The following PTPN13 variants were observed in gnomAD, a reference collection of about 807,000 sequenced individuals.
PTPN13 encodes protein tyrosine phosphatase non-receptor type 13, also known as tyrosine-protein phosphatase non-receptor type 13.
Under a neutral mutation model 284.0 loss-of-function variants are expected in PTPN13, and 191 were observed. The observed-to-expected ratio is 0.67, with a 90% CI of 0.60 to 0.76. The LOEUF (loss-of-function observed/expected upper bound fraction) is 0.76, where lower values mean the gene tolerates loss of function less well. Ranked by LOEUF, PTPN13 falls within the 30% of genes least tolerant of loss-of-function variation. The probability of loss-of-function intolerance (pLI) is 0.00; values close to 1 mark genes in which losing one functional copy is unlikely to be tolerated. For synonymous variants in PTPN13, 986 were observed against 1,022.3 expected, an observed-to-expected ratio of 0.96 and a Z score of 0.68; for missense variants, 2,797 against 2,939.9, an observed-to-expected ratio of 0.95 and a Z score of 1.12.
At chr4:86,688,914 T>C (rs1175006019) in intron 4 of PTPN13, 91 bp from the exon 5 acceptor site, 1 of 987,280 alleles carries the variant, frequency 1.0e-6, no homozygotes, top group African/African-American at 1.6e-5. Context: ...TGTGTTTTAG[T>C]GTGGTTCCTG....
At chr4:86,628,134 A>G (rs551792647) in intron 1 of PTPN13, among the ~76,000 whole-genome samples, 9 of 152,264 alleles carry the variant, frequency 5.9e-5, no homozygotes, top group Non-Finnish European at 1.3e-4. Flanking sequence ...AAGAAACTAT[A>G]TTAACAGTTT....
intron 1 of PTPN13, among the ~76,000 whole-genome samples, chr4:86,631,135 T>G (rs1722421938): frequency 6.6e-6 from 1 of 152,188 alleles, no homozygotes; most frequent in African/African-American, 2.4e-5. Context: ...TAGGTTAATG[T>G]GATAACGTCT....
At chr4:86,632,623 G>A (rs1722588425) in intron 1 of PTPN13, among the ~76,000 whole-genome samples, 1 of 151,188 alleles carries the variant, frequency 6.6e-6, no homozygotes, top group South Asian at 2.1e-4. Flanking sequence ...ATTCTAATTT[G>A]AATCCTTCTT....
chr4:86,767,028 C>T lies in PTPN13; in HGVS notation c.4329+511C>T, dbSNP rs752996011. Among the ~76,000 whole-genome samples, 41 of 150,264 alleles carry T rather than the reference C, an allele frequency of 2.7e-4. 1 individual carries two copies. The highest frequency in any genetic ancestry group is 1.3e-3 in the Admixed American group (19 of 15,100). ...TTGACTTCCCAGGCTCAGGTGATCC[C>T]CCTGCCTCAGTCTCCCAAGTAGCTG... On this transcript the variant is annotated intron_variant, in intron 27 of 47. Transcript: ENST00000411767.
In PTPN13 at chr4:86,669,647, G is replaced by A. The variant is rs140639665; in HGVS notation, c.116-2718G>A. Among the ~76,000 whole-genome samples, 242 of 152,200 alleles carry A rather than the reference G, an allele frequency of 1.6e-3. 2 individuals carry two copies. Among genetic ancestry groups the A allele is most frequent in the African/African-American group, 5.6e-3 (232 of 41,550 alleles). On this transcript the variant is annotated intron_variant, in intron 2 of 47. Coordinates refer to ENST00000411767, the MANE Select transcript of PTPN13 (RefSeq NM_080683.3). ...TTCTGATTGGTGCTACCATGCTGAG[G>A]AGGGGAGAGGGTCAGTCTGTATCCA...
intron 10 of PTPN13, among the ~76,000 whole-genome samples, chr4:86,723,712 T>G (rs569239755): frequency 2.6e-5 from 4 of 152,350 alleles, no homozygotes; most frequent in African/African-American, 4.8e-5. Context: ...CATATTCTTA[T>G]GTATTCTGGA....
chr4:86,764,362 G>T (rs1271078222), intron 24 of PTPN13, among the ~76,000 whole-genome samples: 3 of 151,954 alleles, frequency 2.0e-5, no homozygotes, highest in African/African-American at 4.8e-5. Flanking sequence ...TGGACTAGAT[G>T]ATCTCTAAGA....
intron 2 of PTPN13, among the ~76,000 whole-genome samples, chr4:86,646,873 A>T (rs1183059988): frequency 4.6e-5 from 7 of 152,238 alleles, no homozygotes; most frequent in Admixed American, 3.9e-4. Context: ...ATGAAACGCT[A>T]CACATCAATA....
intron 33 of PTPN13, 54 bp from the exon 34 acceptor site, chr4:86,775,117 G>A: frequency 7.5e-7 from 1 of 1,341,088 alleles, no homozygotes; most frequent in Non-Finnish European, 1.0e-6. Flanking sequence ...TGGCAATTTA[G>A]CTTCTCTTTT....
At chr4:86,672,602 A>G in intron 3 of PTPN13, 59 bp downstream of exon 3, 2 of 1,329,434 alleles carry the variant, frequency 1.5e-6, no homozygotes, top group South Asian at 2.9e-5. Context: ...TCAAATAAAG[A>G]CAATGGGCTA....
intron 40 of PTPN13, among the ~76,000 whole-genome samples, chr4:86,792,778 G>C (rs1182967713): frequency 6.6e-6 from 1 of 152,202 alleles, no homozygotes; most frequent in Non-Finnish European, 1.5e-5. Flanking sequence ...AAGTGAAGGA[G>C]AAATAAAATC....
Position 86,716,815 on chromosome 4 carries a change from T to G in PTPN13, c.1291+190T>G, listed in dbSNP as rs1733077690. 2.0e-5 allele frequency among the ~76,000 whole-genome samples: 3 copies of G among 152,222 alleles called. No homozygotes were observed. In the South Asian group the frequency reaches 6.2e-4, roughly 32 times the overall value. On this transcript the variant is annotated intron_variant, in intron 8 of 47. Coordinates refer to ENST00000411767, the MANE Select transcript of PTPN13 (RefSeq NM_080683.3). ...AAATAGCAGTTTCTTCAAATAACGA[T>G]GTAGTCCTTTTCATTACAGAGATAA...
chr4:86,653,552 C>T (rs891051543), intron 2 of PTPN13, among the ~76,000 whole-genome samples: 2 of 148,548 alleles, frequency 1.3e-5, no homozygotes, highest in African/African-American at 5.0e-5. Flanking sequence ...CACAGAAAAA[C>T]ATGCACCTAA....
intron 1 of PTPN13, among the ~76,000 whole-genome samples, chr4:86,595,520 A>G (rs1481977627): frequency 1.3e-5 from 2 of 152,106 alleles, no homozygotes; most frequent in Non-Finnish European, 2.9e-5. Flanking sequence ...GAGGATGGGG[A>G]GAAATATCAC....
intron 1 of PTPN13, among the ~76,000 whole-genome samples, chr4:86,627,469 A>G (rs1222531202): frequency 2.0e-5 from 3 of 151,932 alleles, no homozygotes; most frequent in Non-Finnish European, 4.4e-5. Flanking sequence ...GAACAAAGAA[A>G]AGGATTGCTG....
intron 34 of PTPN13, 30 bp from the exon 35 acceptor site, chr4:86,775,412 G>C: frequency 6.3e-7 from 1 of 1,596,674 alleles, no homozygotes; most frequent in Non-Finnish European, 8.6e-7. Flanking sequence ...TTTTATGACT[G>C]AGAAAACAAA....
At chr4:86,798,824 T>C (rs1340042859) in intron 41 of PTPN13, among the ~76,000 whole-genome samples, 4 of 152,210 alleles carry the variant, frequency 2.6e-5, no homozygotes, top group East Asian at 1.9e-4. Flanking sequence ...TGTTGAAGGA[T>C]AGAAATAAAA....
intron 1 of PTPN13, among the ~76,000 whole-genome samples, chr4:86,620,543 T>C (rs1386304244): frequency 6.6e-6 from 1 of 152,188 alleles, no homozygotes; most frequent in Admixed American, 6.6e-5. Flanking sequence ...TAAAGGAGAA[T>C]AGAGCAAAAA....
chr4:86,686,559 C>A, intron 3 of PTPN13, 151 bp from the exon 4 acceptor site: 1 of 611,008 alleles, frequency 1.6e-6, no homozygotes, highest in Middle Eastern at 4.7e-4. Flanking sequence ...CTTTTAAGCT[C>A]TCATATACTT....
Sources: gnomAD v4.1 joint callset for allele counts (sites outside exome capture counted in the v4.1 genomes callset) on GRCh38, gnomAD v4.1.1 for gene constraint, MANE v1.5 for transcripts, NCBI Gene and HGNC (gene_info 2026-07-23, HGNC 2026-07-21) for gene names.